Variants in USP46 observed in about 807,000 individuals in gnomAD.
USP46 encodes ubiquitin carboxyl-terminal hydrolase 46.
In USP46, 12 loss-of-function variants were observed where a neutral mutation model predicts 44.4. That is an observed-to-expected ratio of 0.27 (90% CI 0.17 to 0.44). The LOEUF (loss-of-function observed/expected upper bound fraction) is 0.44. Among genes scored for constraint, USP46 ranks in the 20% least tolerant of loss-of-function variants. USP46 has a pLI of 1.00. For synonymous variants in USP46, 155 were observed against 161.5 expected (o/e 0.96, Z 0.31); for missense variants, 248 against 444.8 (o/e 0.56, Z 3.98).
At chr4:52,640,620 G>A (rs1718299743) in intron 1 of USP46, among the ~76,000 whole-genome samples, 1 of 151,638 alleles carries the variant, frequency 6.6e-6, no homozygotes, top group Non-Finnish European at 1.5e-5. Flanking sequence ...GACCAACATG[G>A]AGAAACTCTG....
At chr4:52,608,248 C>G (rs1267311710) in intron 5 of USP46, among the ~76,000 whole-genome samples, 1 of 152,198 alleles carries the variant, frequency 6.6e-6, no homozygotes, top group Non-Finnish European at 1.5e-5. Flanking sequence ...TTTTTGTAAA[C>G]ACAGCTATCG....
intron 1 of USP46, among the ~76,000 whole-genome samples, chr4:52,651,410 TAA>T (rs1045600510): frequency 1.3e-5 from 2 of 152,078 alleles, no homozygotes; most frequent in Non-Finnish European, 2.9e-5. Context: ...AAATTTTTAA[TAA>T]GAGAATGCAC....
At position 52,594,762 on chromosome 4, in the gene USP46, T is replaced by C. The variant is rs544762054; in HGVS notation, c.*2878A>G. ...GCATAGGGATCATTTCTGACATTTT[T>C]CCCTATTTTATCTTAAACCCAAAAT... On this transcript the variant is annotated 3_prime_UTR_variant, in exon 9 of 9. Transcript: ENST00000441222. The C allele has an allele frequency of 3.3e-5, 5 of 152,294 alleles. No individual in the cohort carries two copies. In the East Asian group the frequency reaches 5.8e-4, roughly 18 times the overall value. 9.4% of individuals were successfully genotyped at this position (152,294 alleles called of 1,614,324 possible). A position where few individuals can be genotyped will look rare whatever the true frequency, so the allele number is the denominator to read the frequency against.
intron 1 of USP46, among the ~76,000 whole-genome samples, chr4:52,639,735 C>T (rs1185033001): frequency 1.3e-5 from 2 of 151,956 alleles, no homozygotes; most frequent in Admixed American, 6.6e-5. Context: ...CTCACTCTGT[C>T]GCCCAGGCTG....
chr4:52,598,464 A>G (rs998939144), intron 8 of USP46, 164 bp downstream of exon 8: 4 of 664,986 alleles, frequency 6.0e-6, no homozygotes, highest in South Asian at 3.8e-5. Flanking sequence ...CTCCCTTTCC[A>G]TGGAGCATGG....
At chr4:52,624,269 G>A (rs530687971) in intron 4 of USP46, among the ~76,000 whole-genome samples, 2 of 152,296 alleles carry the variant, frequency 1.3e-5, no homozygotes, top group African/African-American at 4.8e-5. Context: ...GGGAGGGAGA[G>A]AAGAAGAGAA....
At chr4:52,623,781 C>T (rs1717471232) in intron 4 of USP46, among the ~76,000 whole-genome samples, 2 of 151,968 alleles carry the variant, frequency 1.3e-5, no homozygotes, top group Non-Finnish European at 2.9e-5. Context: ...CAAGAGTTAG[C>T]CAGGCGTGGT....
In USP46 at chr4:52,594,276, G is replaced by A. The variant is rs944690703; in HGVS notation, c.*3364C>T. 1 of 152,104 alleles carries A rather than the reference G, an allele frequency of 6.6e-6. No homozygotes were observed. The highest frequency in any genetic ancestry group is 1.5e-5 in the Non-Finnish European group (1 of 68,010). The allele number at this position is 152,104 out of a possible 1,614,324, so 9.4% of individuals were successfully genotyped here. The stretch of plus-strand genomic sequence containing the variant: ...ATTGACATTATTGCTTAAAGTGCTT[G>A]AATTGGTTACATTTTAAAAAATTAA... On this transcript the variant is annotated 3_prime_UTR_variant, in exon 9 of 9. Transcript: ENST00000441222.
In USP46 at chr4:52,658,247, G is replaced by C; in HGVS notation, c.36+868C>G. The C allele has an allele frequency of 4.4e-6, 2 of 456,106 alleles. 1 individual carries two copies. The highest frequency in any genetic ancestry group is 3.1e-5 in the South Asian group (2 of 64,562). 28.3% of individuals were successfully genotyped at this position (456,106 alleles called of 1,614,324 possible). A position where few individuals can be genotyped will look rare whatever the true frequency, so the allele number is the denominator to read the frequency against. On this transcript the variant is annotated intron_variant, in intron 1 of 8. Coordinates refer to ENST00000441222, the MANE Select transcript of USP46 (RefSeq NM_022832.4). ...TCTGACAAGTGGAGGCGCCAGCAGG[G>C]TCCAGCCTGGGGACCCAAGGGCTGG...
chr4:52,631,929 C>T (rs1163436443), intron 1 of USP46, among the ~76,000 whole-genome samples: 1 of 151,758 alleles, frequency 6.6e-6, no homozygotes. Flanking sequence ...CTGCTTGAAC[C>T]TGGGGGCTGG....
chr4:52,620,209 AAACAAC>A (rs374249286), intron 4 of USP46, among the ~76,000 whole-genome samples: 1 of 152,088 alleles, frequency 6.6e-6, no homozygotes, highest in Non-Finnish European at 1.5e-5. Flanking sequence ...TTTCATAGAA[AAACAAC>A]AACAACAACA....
intron 4 of USP46, among the ~76,000 whole-genome samples, chr4:52,619,906 C>A (rs559983398): frequency 1.1e-4 from 17 of 152,170 alleles, no homozygotes; most frequent in Non-Finnish European, 1.9e-4. Context: ...AGAAAAAACA[C>A]TCTTGCCTAA....
At chr4:52,628,523 T>C (rs1717685893) in intron 2 of USP46, among the ~76,000 whole-genome samples, 2 of 152,092 alleles carry the variant, frequency 1.3e-5, no homozygotes, top group African/African-American at 4.8e-5. Flanking sequence ...GGAAAGCAGC[T>C]GGCTAAATAA....
At chr4:52,658,456 GC>G (rs1719040379) in intron 1 of USP46, among the ~76,000 whole-genome samples, 1 of 152,134 alleles carries the variant, frequency 6.6e-6, no homozygotes, top group Non-Finnish European at 1.5e-5. Flanking sequence ...CAAGCCCACA[GC>G]CCGCCCCACC....
intron 2 of USP46, 66 bp from the exon 3 acceptor site, chr4:52,628,229 G>T: frequency 6.6e-7 from 1 of 1,524,786 alleles, no homozygotes; most frequent in South Asian, 1.2e-5. Flanking sequence ...GGAATAAGTG[G>T]TGAGGGTGAG....
chr4:52,653,377 C>T (rs942619956), intron 1 of USP46, among the ~76,000 whole-genome samples: 4 of 150,086 alleles, frequency 2.7e-5, no homozygotes, highest in African/African-American at 9.8e-5. Flanking sequence ...TGGTAGCAGG[C>T]AACTGTAATC....
intron 1 of USP46, among the ~76,000 whole-genome samples, chr4:52,631,821 C>T (rs1003261893): frequency 4.6e-5 from 7 of 152,086 alleles, no homozygotes; most frequent in Admixed American, 3.9e-4. Flanking sequence ...GCCTAGCCAA[C>T]ATGGTAAAAT....
chr4:52,615,006 C>T (rs918769806), intron 4 of USP46, among the ~76,000 whole-genome samples: 2 of 151,964 alleles, frequency 1.3e-5, no homozygotes, highest in African/African-American at 4.8e-5. Flanking sequence ...ACTAAAAATA[C>T]ACCCAGGCAT....
chr4:52,653,204 C>T (rs901554060), intron 1 of USP46, among the ~76,000 whole-genome samples: 20 of 152,112 alleles, frequency 1.3e-4, no homozygotes, highest in Non-Finnish European at 2.4e-4. Context: ...ACACAGAGTT[C>T]GTCTCAAGAA....
Sources: gnomAD v4.1 joint callset for allele counts (sites outside exome capture counted in the v4.1 genomes callset) on GRCh38, gnomAD v4.1.1 for gene constraint, MANE v1.5 for transcripts, NCBI Gene and HGNC (gene_info 2026-07-23, HGNC 2026-07-21) for gene names.